The following GRIP1 variants were observed in gnomAD, a reference collection of about 807,000 sequenced individuals.
GRIP1 encodes the protein glutamate receptor-interacting protein 1.
A neutral mutation model predicts 129.9 loss-of-function variants in GRIP1; 45 were observed. That is an observed-to-expected ratio of 0.35 (90% CI 0.27 to 0.44). The LOEUF is 0.44. Among genes scored for constraint, GRIP1 ranks in the 20% least tolerant of loss-of-function variants. The probability of loss-of-function intolerance (pLI) is 1.00; values close to 1 mark genes in which losing one functional copy is unlikely to be tolerated. For synonymous variants in GRIP1, 530 were observed against 520.8 expected (o/e 1.02, Z -0.24); for missense variants, 1,196 against 1,396.8 (o/e 0.86, Z 2.29).
At chr12:66,544,027 A>G (rs778404215) in intron 2 of GRIP1, among the ~76,000 whole-genome samples, 10 of 152,192 alleles carry the variant, frequency 6.6e-5, no homozygotes, top group Non-Finnish European at 1.5e-4. Context: ...GTACAGCCTT[A>G]TGGGAGGCAG....
intron 16 of GRIP1, among the ~76,000 whole-genome samples, chr12:66,403,738 A>G (rs756139022): frequency 1.8e-4 from 28 of 152,214 alleles, no homozygotes; most frequent in Non-Finnish European, 3.4e-4. Flanking sequence ...CACAATAACC[A>G]TCATAATAGT....
chr12:66,575,704 G>A (rs551036184), intron 2 of GRIP1, among the ~76,000 whole-genome samples: 2 of 152,264 alleles, frequency 1.3e-5, no homozygotes, highest in South Asian at 2.1e-4. Context: ...TCCAAGTTCT[G>A]TAGTCCCAAA....
chr12:66,979,845 G>A (rs998095174), intron 1 of GRIP1, among the ~76,000 whole-genome samples: 1 of 152,150 alleles, frequency 6.6e-6, no homozygotes, highest in African/African-American at 2.4e-5. Context: ...AGGGGTGGAT[G>A]GCCAACCTTA....
At chr12:66,458,352 A>G (rs1204647990) in intron 9 of GRIP1, among the ~76,000 whole-genome samples, 3 of 151,634 alleles carry the variant, frequency 2.0e-5, no homozygotes, top group Non-Finnish European at 4.4e-5. Context: ...CTAAATATAT[A>G]AGTTAGATCA....
rs1217294972 is a variant in GRIP1, at chr12:66,785,360, A to ATATATATATATATATG, written c.-420+18692_-420+18693insCATATATATATATATA. Among the ~76,000 whole-genome samples, 723 of 142,932 alleles carry ATATATATATATATATG rather than the reference A, an allele frequency of 5.1e-3. 10 individuals are homozygous for ATATATATATATATATG. Among genetic ancestry groups the ATATATATATATATATG allele is most frequent in the Non-Finnish European group, 9.3e-3 (609 of 65,320 alleles). The allele number at this position is 142,932 out of a possible 152,430, so 93.8% of individuals were successfully genotyped here. A position where few individuals can be genotyped will look rare whatever the true frequency, so the allele number is the denominator to read the frequency against. ...CATACATACATATATATATATATAT[A>ATATATATATATATATG]TATTAGTTGGGCATGGTAGCACTTT... On this transcript the variant is annotated intron_variant, in intron 1 of 4. Coordinates refer to the GRIP1 transcript ENST00000538373.
At chr12:66,888,056 AT>A (rs955872445) in intron 1 of GRIP1, among the ~76,000 whole-genome samples, 2 of 151,888 alleles carry the variant, frequency 1.3e-5, no homozygotes, top group African/African-American at 4.8e-5. Flanking sequence ...ATTCATTTTT[AT>A]TTTATTTTAT....
rs145374884 is a variant in GRIP1, at chr12:66,478,030, G to T, written c.725-12608C>A. Among the ~76,000 whole-genome samples, 1,393 of 152,282 alleles carry T rather than the reference G, an allele frequency of 9.1e-3. 18 individuals carry two copies. Among genetic ancestry groups the T allele is most frequent in the Admixed American group, 0.039 (594 of 15,290 alleles). On this transcript the variant is annotated intron_variant, in intron 7 of 24. Transcript: ENST00000359742. ...AACAAAAGCCAAAATTGACAAATGG[G>T]ATCTAATTTAACTAAAGAGCTTCTG... is the stretch of plus-strand genomic sequence containing the variant.
intron 1 of GRIP1, among the ~76,000 whole-genome samples, chr12:66,885,872 G>A (rs1566065001): frequency 6.6e-6 from 1 of 152,184 alleles, no homozygotes; most frequent in Admixed American, 6.5e-5. Flanking sequence ...GGGAAATGGA[G>A]ATTCAAGAGC....
intron 1 of GRIP1, among the ~76,000 whole-genome samples, chr12:66,722,089 G>A (rs1253791980): frequency 1.3e-5 from 2 of 152,154 alleles, no homozygotes; most frequent in Non-Finnish European, 1.5e-5. Context: ...TAATTAGTGT[G>A]TTCATTGGTG....
chr12:66,760,326 GGTACTAATTTCT>G (rs1350712262), intron 1 of GRIP1, among the ~76,000 whole-genome samples: 1 of 151,756 alleles, frequency 6.6e-6, no homozygotes, highest in African/African-American at 2.4e-5. Context: ...CCCTACTCCT[GGTACTAATTTCT>G]GTATTAGTTC....
chr12:66,486,941 C>T (rs2059971971), intron 7 of GRIP1, among the ~76,000 whole-genome samples: 1 of 151,978 alleles, frequency 6.6e-6, no homozygotes, highest in Non-Finnish European at 1.5e-5. Context: ...CAGGTGTGTG[C>T]CACTGCACCC....
chr12:66,350,714 T>C (rs1017274977), intron 24 of GRIP1, among the ~76,000 whole-genome samples: 3 of 152,146 alleles, frequency 2.0e-5, no homozygotes, highest in Non-Finnish European at 4.4e-5. Flanking sequence ...GCTGAAAATA[T>C]TAAAGACTCA....
chr12:66,603,845 T>C (rs1183225703), intron 1 of GRIP1, among the ~76,000 whole-genome samples: 1 of 152,170 alleles, frequency 6.6e-6, no homozygotes, highest in Admixed American at 6.5e-5. Flanking sequence ...ATTATAGGAG[T>C]AACTAGATCT....
chr12:66,760,791 C>G (rs958483804), intron 1 of GRIP1, among the ~76,000 whole-genome samples: 5 of 151,480 alleles, frequency 3.3e-5, no homozygotes, highest in African/African-American at 9.7e-5. Flanking sequence ...TTCCACACAT[C>G]TCAATTTGAT....
chr12:66,433,099 C>G lies in GRIP1; in HGVS notation c.1688-471G>C, dbSNP rs114951528. 3.9e-3 allele frequency among the ~76,000 whole-genome samples: 594 copies of G among 152,198 alleles called. 8 individuals carry two copies. The highest frequency in any genetic ancestry group is 0.013 in the African/African-American group (559 of 41,514). On this transcript the variant is annotated intron_variant, in intron 13 of 24. Coordinates refer to ENST00000359742, the MANE Select transcript of GRIP1 (RefSeq NM_001366722.1). ...GTAATTCTTCCCCCCACCTCCACTC[C>G]TATTTATTGTTTGAAGGTACCTGGG...
chr12:66,975,672 A>T (rs755103543), intron 1 of GRIP1, among the ~76,000 whole-genome samples: 2 of 152,246 alleles, frequency 1.3e-5, no homozygotes, highest in Non-Finnish European at 2.9e-5. Context: ...TGTTAAAAAC[A>T]TAATACATGC....
chr12:66,478,339 C>T lies in GRIP1; in HGVS notation c.725-12917G>A, dbSNP rs185477623. ...AAAACCACAATGAGATATCATCTCA[C>T]ACAAGTTAGAATGGCAATCATTAAA... On this transcript the variant is annotated intron_variant, in intron 7 of 24. Transcript: ENST00000359742. 7.0e-4 allele frequency among the ~76,000 whole-genome samples: 106 copies of T among 152,298 alleles called. 2 individuals carry two copies. The East Asian group carries it at 0.02, about 29-fold the overall frequency.
chr12:67,054,646 C>G (rs1245936843), intron 1 of GRIP1, among the ~76,000 whole-genome samples: 2 of 151,900 alleles, frequency 1.3e-5, no homozygotes, highest in East Asian at 1.9e-4. Flanking sequence ...CACCTGTAAT[C>G]CCAGGTACTC....
At chr12:66,685,013 G>A (rs11176378) in intron 1 of GRIP1, among the ~76,000 whole-genome samples, 28,484 of 151,918 alleles carry the variant, frequency 0.19, 2,920 homozygotes, top group African/African-American at 0.27. Context: ...TCTTCCATGA[G>A]CTCACTACAT....
Sources: allele counts gnomAD v4.1 joint callset (sites outside exome capture counted in the v4.1 genomes callset), GRCh38; gene constraint gnomAD v4.1.1; transcripts MANE v1.5; gene names NCBI Gene and HGNC (gene_info 2026-07-23, HGNC 2026-07-21).